The following STRN4 variants were observed in gnomAD, a reference collection of about 807,000 sequenced individuals.
The protein encoded by STRN4 is striatin 4.
In STRN4, 27 loss-of-function variants were observed where a neutral mutation model predicts 77.9. The observed-to-expected ratio is 0.35, with a 90% CI of 0.26 to 0.48. STRN4 has a LOEUF of 0.48. Among genes scored for constraint, STRN4 ranks in the 20% least tolerant of loss-of-function variants. The pLI is 0.99. For missense variants in STRN4, 798 were observed against 1,049.7 expected (o/e 0.76, Z 3.31); for synonymous variants, 466 against 443.1 (o/e 1.05, Z -0.65).
At chr19:46,735,132 G>A (rs1317050953) in intron 4 of STRN4, among the ~76,000 whole-genome samples, 1 of 151,612 alleles carries the variant, frequency 6.6e-6, no homozygotes, top group African/African-American at 2.4e-5. Flanking sequence ...ATGGTAAAAC[G>A]CTGTCTTTAC....
At chr19:46,735,692 C>T (rs62134791) in intron 4 of STRN4, among the ~76,000 whole-genome samples, 29,212 of 152,112 alleles carry the variant, frequency 0.19, 3,086 homozygotes, top group Non-Finnish European at 0.24. Flanking sequence ...AGGCTGGGCG[C>T]GGTGGCTCAC....
intron 1 of STRN4, among the ~76,000 whole-genome samples, chr19:46,740,588 C>A (rs1468528194): frequency 6.6e-6 from 1 of 151,960 alleles, no homozygotes; most frequent in Non-Finnish European, 1.5e-5. Context: ...CACTCTCCTC[C>A]CTTCCCTCCT....
In STRN4 at chr19:46,720,676, C is replaced by T. The variant is rs1442803856; in HGVS notation, c.2188G>A (p.Ala730Thr). 3.1e-5 allele frequency: 50 copies of T among 1,610,998 alleles called. No homozygotes were observed. The highest frequency in any genetic ancestry group is 4.1e-5 in the Non-Finnish European group (48 of 1,178,356). ...HRKKHEEAIH[A>T]VACHPSKALI... ...GCCTTGCTGGGGTGGCAGGCAACAGCGTGGATGGCCTCCTCGTGCTTCTTG... is the reference window on the plus strand; with the variant it reads ...GCCTTGCTGGGGTGGCAGGCAACAGTGTGGATGGCCTCCTCGTGCTTCTTG... The change falls in exon 17 of 18, where the codon GCT becomes ACT. Residue 730 changes from alanine to threonine, a missense_variant. Ala to Thr is a moderately conservative substitution (Grantham distance 58). Around this residue, in one of 2 missense-constraint regions of STRN4, gnomAD observed 287 missense variants for 473.8 expected, o/e 0.61. Coordinates refer to ENST00000263280, the MANE Select transcript of STRN4 (RefSeq NM_013403.3).
At position 46,738,143 on chromosome 19, in the gene STRN4, C is replaced by T. The variant is rs374765347; in HGVS notation, c.460+21G>A. On this transcript the variant is annotated intron_variant, in intron 3 of 17. Transcript: ENST00000263280. The surrounding 1 kb of genome is among the most constrained non-coding windows in gnomAD (Gnocchi z 4.5). ...CTTCTGCGGGAGGGTGCCGACAGTG[C>T]GAGCATCAGAGGGTGGGTACCTTGT... 7.1e-5 allele frequency: 114 copies of T among 1,612,370 alleles called. No homozygotes were observed. The highest frequency in any genetic ancestry group is 9.4e-5 in the Non-Finnish European group (111 of 1,178,488).
At position 46,730,758 on chromosome 19, in the gene STRN4, C is replaced by T. The variant is rs185426424; in HGVS notation, c.853G>A (p.Val285Met). 10 of 1,612,706 alleles carry T rather than the reference C, an allele frequency of 6.2e-6. No individual in the cohort carries two copies. The highest frequency in any genetic ancestry group is 5.0e-5 in the Admixed American group (3 of 60,028). ...DSDEDDELDS[V>M]QHKKQRVKLP... ...TTCACACGCTGCTTCTTGTGCTGCA[C>T]GCTGTCCAGCTCATCGTCCTCGTCG... The change falls in exon 6 of 18, where the codon GTG becomes ATG. Residue 285 changes from valine to methionine, a missense_variant. Val to Met is a conservative substitution (Grantham distance 21, BLOSUM62 1). Around this residue, in one of 2 missense-constraint regions of STRN4, gnomAD observed 511 missense variants for 575.9 expected, o/e 0.89. Coordinates refer to ENST00000263280, the MANE Select transcript of STRN4 (RefSeq NM_013403.3).
chr19:46,720,353 A>C lies in STRN4; in HGVS notation c.*67-15T>G. The C allele has an allele frequency of 2.6e-6, 1 of 382,480 alleles. No individual in the cohort carries two copies. Among genetic ancestry groups the C allele is most frequent in the Non-Finnish European group, 4.6e-6 (1 of 216,898 alleles). The allele number at this position is 382,480 out of a possible 1,614,324, so 23.7% of individuals were successfully genotyped here. A position where few individuals can be genotyped will look rare whatever the true frequency, so the allele number is the denominator to read the frequency against. On this transcript the variant is annotated splice_polypyrimidine_tract_variant and intron_variant, in intron 17 of 17. Coordinates refer to ENST00000263280, the MANE Select transcript of STRN4 (RefSeq NM_013403.3). Reference sequence around the variant, plus strand: ...CTGGGAGTCCCCTGCGGGAAAGAGAAGGGAGGGGAGACTGAGCCGCCGCCT... The same window carrying C: ...CTGGGAGTCCCCTGCGGGAAAGAGACGGGAGGGGAGACTGAGCCGCCGCCT...
chr19:46,726,924 G>A (rs1447883705), intron 9 of STRN4, among the ~76,000 whole-genome samples: 5 of 152,076 alleles, frequency 3.3e-5, no homozygotes, highest in Admixed American at 1.3e-4. Context: ...CACTTCTCAG[G>A]CCTCTGCTCT....
chr19:46,742,241 C>T (rs1044853289), intron 1 of STRN4, among the ~76,000 whole-genome samples: 6 of 152,192 alleles, frequency 3.9e-5, no homozygotes, highest in Admixed American at 6.5e-5. Flanking sequence ...ACTGCAGCTC[C>T]GCCACCTTCC....
chr19:46,743,904 A>AAAAAAT (rs908130654), intron 1 of STRN4, among the ~76,000 whole-genome samples: 1 of 151,840 alleles, frequency 6.6e-6, no homozygotes, highest in African/African-American at 2.4e-5. Flanking sequence ...CTCTGTCTCA[A>AAAAAAT]AAAAATAAAA....
At chr19:46,722,637 T>C (rs993969083) in intron 14 of STRN4, among the ~76,000 whole-genome samples, 173 bp downstream of exon 14, 1 of 152,208 alleles carries the variant, frequency 6.6e-6, no homozygotes, top group Non-Finnish European at 1.5e-5. Context: ...GCCAGTGCCC[T>C]GGCTGTGAGG....
intron 15 of STRN4, 68 bp downstream of exon 15, chr19:46,722,174 C>A: frequency 1.3e-6 from 2 of 1,588,876 alleles, no homozygotes; most frequent in Admixed American, 1.7e-5. Context: ...CCCACAGGGA[C>A]GCAAGCATCT....
intron 7 of STRN4, 156 bp downstream of exon 7, chr19:46,728,462 C>G: frequency 9.5e-7 from 1 of 1,047,970 alleles, no homozygotes; most frequent in Non-Finnish European, 1.3e-6. Context: ...GCGGCCATGA[C>G]CTGGGCCTCC....
Position 46,725,722 on chromosome 19 carries a change from T to C in STRN4, c.1249-74A>G, listed in dbSNP as rs2054095503. 3.6e-5 allele frequency: 56 copies of C among 1,547,224 alleles called. 3 individuals are homozygous for C. The South Asian group carries it at 5.4e-4, about 15-fold the overall frequency. On this transcript the variant is annotated intron_variant, in intron 9 of 17. Coordinates refer to ENST00000263280, the MANE Select transcript of STRN4 (RefSeq NM_013403.3). ...TCATGCAGACACCGACACCCAGGGC[T>C]TGAGGGCCCCTGTCTTCCACCCACA...
At chr19:46,732,525 C>T (rs919836234) in intron 5 of STRN4, 3 of 156,854 alleles carry the variant, frequency 1.9e-5, no homozygotes, top group African/African-American at 7.2e-5. Context: ...CTCCCAGCCA[C>T]TCGTGTGGCT....
In STRN4 at chr19:46,738,197, G is replaced by T; in HGVS notation, c.427C>A (p.Gln143Lys). ...GACACATCTGCTTTCTTCTCCCCCT[G>T]GTTCAGGTCTGTCCCAAACTTCAGT... Reference protein sequence around the residue: ...HKLKFGTDLNQGEKKADVSEQ... With the variant: ...HKLKFGTDLNKGEKKADVSEQ... Residue 143 changes from glutamine (Q) to lysine (K), a missense_variant, in exon 3 of 18, where the codon CAG becomes AAG. Coordinates refer to ENST00000263280, the MANE Select transcript of STRN4 (RefSeq NM_013403.3). The surrounding 1 kb of genome is among the most constrained non-coding windows in gnomAD (Gnocchi z 4.5). 2 of 1,614,170 alleles carry T rather than the reference G, an allele frequency of 1.2e-6. No homozygotes were observed. The highest frequency in any genetic ancestry group is 8.5e-7 in the Non-Finnish European group (1 of 1,180,018).
chr19:46,744,382 T>C (rs1022943513), intron 1 of STRN4, among the ~76,000 whole-genome samples: 1 of 152,140 alleles, frequency 6.6e-6, no homozygotes, highest in Non-Finnish European at 1.5e-5. Flanking sequence ...ACTCATCCTA[T>C]GAACAAAATG....
chr19:46,745,849 C>G (rs1416416029), intron 1 of STRN4: 8 of 290,362 alleles, frequency 2.8e-5, no homozygotes, highest in Non-Finnish European at 4.5e-5. Flanking sequence ...GTCCCAGTCC[C>G]ACTCCCAGCT....
Position 46,723,123 on chromosome 19 carries a change from T to G in STRN4, c.1756A>C (p.Thr586Pro). 6.4e-7 allele frequency: 1 copy of G among 1,566,116 alleles called. No individual in the cohort carries two copies. ...SSPACLCTFPTASEHGVPTSV... is the reference protein window; with the variant it reads ...SSPACLCTFPPASEHGVPTSV... The stretch of plus-strand genomic sequence containing the variant: ...CGGGGCCCCCACTCACCGCTGGCTG[T>G]GGGGAAGGTGCAGAGGCAGGCCGGG... The change falls in exon 13 of 18, where the codon ACA becomes CCA. Residue 586 changes from threonine to proline, a missense_variant. Transcript: ENST00000263280. The surrounding 1 kb of genome is among the most constrained non-coding windows in gnomAD (Gnocchi z 5.5).
At position 46,727,773 on chromosome 19, in the gene STRN4, G is replaced by C. The variant is rs1414042330; in HGVS notation, c.1153+121C>G. On this transcript the variant is annotated intron_variant, in intron 8 of 17. Coordinates refer to ENST00000263280, the MANE Select transcript of STRN4 (RefSeq NM_013403.3). ...ACAGACAGACGAACTTTTGGGGCAG[G>C]GAGGCTGCAGACTGGAGGCTGGGCC... 10 of 939,970 alleles carry C rather than the reference G, an allele frequency of 1.1e-5. 1 individual carries two copies. The South Asian group carries it at 1.7e-4, about 16-fold the overall frequency. 58.2% of individuals were successfully genotyped at this position (939,970 alleles called of 1,614,324 possible).
Sources: allele counts gnomAD v4.1 joint callset (sites outside exome capture counted in the v4.1 genomes callset), GRCh38; gene constraint gnomAD v4.1.1; regional missense constraint gnomAD v4.1.1; non-coding constraint Gnocchi (gnomAD v3.1); transcripts MANE v1.5; gene names NCBI Gene and HGNC (gene_info 2026-07-23, HGNC 2026-07-21).